DMXL2: variants seen among roughly 807,000 people sequenced by gnomAD.
The protein encoded by DMXL2 is Dmx like 2, also known as dmX-like protein 2.
Under a neutral mutation model 331.1 loss-of-function variants are expected in DMXL2, and 103 were observed. That is an observed-to-expected ratio of 0.31 (90% CI 0.27 to 0.37). The LOEUF (loss-of-function observed/expected upper bound fraction) is 0.37, where lower values mean the gene tolerates loss of function less well. Ranked by LOEUF, DMXL2 falls within the 10% of genes least tolerant of loss-of-function variation. The pLI is 1.00. For missense variants in DMXL2, 3,171 were observed against 3,642.9 expected, an observed-to-expected ratio of 0.87 and a Z score of 3.33; for synonymous variants, 1,281 against 1,252.1, an observed-to-expected ratio of 1.02 and a Z score of -0.49.
intron 19 of DMXL2, 109 bp downstream of exon 19, chr15:51,494,915 T>C (rs1289443597): frequency 1.6e-6 from 1 of 616,360 alleles, no homozygotes; most frequent in East Asian, 3.0e-5. Context: ...AGCCAAGTGA[T>C]AGGTGTGCAC....
chr15:51,475,477 G>C (rs1566999723), intron 27 of DMXL2, among the ~76,000 whole-genome samples: 2 of 151,990 alleles, frequency 1.3e-5, no homozygotes, highest in African/African-American at 4.8e-5. Context: ...CTGGGCGACA[G>C]AGCAAGACTC....
chr15:51,492,539 T>C (rs573649854), intron 19 of DMXL2, among the ~76,000 whole-genome samples: 2 of 152,328 alleles, frequency 1.3e-5, no homozygotes, highest in Admixed American at 1.3e-4. Context: ...ATCTAGGCTG[T>C]TTGAAGAGGC....
chr15:51,605,729 G>A (rs1168051745), intron 1 of DMXL2, among the ~76,000 whole-genome samples: 1 of 98,136 alleles, frequency 1.0e-5, no homozygotes, highest in South Asian at 3.3e-4. Flanking sequence ...ATTTTTAGTA[G>A]AGACGGGGTT....
At chr15:51,552,131 C>A (rs1047409926) in intron 6 of DMXL2, among the ~76,000 whole-genome samples, 1 of 152,140 alleles carries the variant, frequency 6.6e-6, no homozygotes, top group Non-Finnish European at 1.5e-5. Flanking sequence ...ACATCAGTGT[C>A]GTAGGCATTA....
At chr15:51,579,025 A>G (rs1384680909) in intron 1 of DMXL2, among the ~76,000 whole-genome samples, 2 of 152,212 alleles carry the variant, frequency 1.3e-5, no homozygotes, top group Non-Finnish European at 2.9e-5. Context: ...GAATCACTTA[A>G]GCCCGGGAAG....
chr15:51,451,612 G>GTA (rs753308323), intron 42 of DMXL2, 33 bp downstream of exon 42: 2 of 1,542,370 alleles, frequency 1.3e-6, no homozygotes, highest in Non-Finnish European at 1.8e-6. Flanking sequence ...TTCCTTCATG[G>GTA]TATATTTTTA....
intron 3 of DMXL2, chr15:51,567,705 A>G (rs1294533364): frequency 1.3e-5 from 2 of 152,284 alleles, no homozygotes; most frequent in Non-Finnish European, 1.5e-5. Context: ...AGAACTTACG[A>G]GGTGAGCTCT....
At chr15:51,530,889 A>C (rs1207424989) in intron 13 of DMXL2, among the ~76,000 whole-genome samples, 1 of 151,962 alleles carries the variant, frequency 6.6e-6, no homozygotes, top group South Asian at 2.1e-4. Context: ...TGAAGAGGAC[A>C]AAAAAAATGG....
Position 51,458,569 on chromosome 15 carries a change from G to A in DMXL2, c.8135C>T (p.Thr2712Ile), listed in dbSNP as rs1225416496. Reference sequence around the variant, plus strand: ...GTATGACTGACAGGCCAGTAGAGAAGTAACATCAAGTTCTTGAACATCATG... The same window carrying A: ...GTATGACTGACAGGCCAGTAGAGAAATAACATCAAGTTCTTGAACATCATG... ...STHDVQELDV[T>I]SLLACQSYIW... Residue 2712 changes from threonine (T) to isoleucine (I), a missense_variant, in exon 36 of 44, where the codon ACT (threonine) becomes ATT (isoleucine). By Grantham distance (89) the Thr-to-Ile change is moderately conservative. Around this residue, in one of 7 missense-constraint regions of DMXL2, gnomAD observed 766 missense variants for 940.5 expected, o/e 0.81. Transcript: ENST00000560891. 6.2e-7 allele frequency: 1 copy of A among 1,613,934 alleles called. No individual in the cohort carries two copies. Among genetic ancestry groups the A allele is most frequent in the East Asian group, 2.2e-5 (1 of 44,846 alleles).
chr15:51,534,400 A>G (rs2048170301), intron 13 of DMXL2, among the ~76,000 whole-genome samples: 1 of 152,236 alleles, frequency 6.6e-6, no homozygotes, highest in African/African-American at 2.4e-5. Context: ...TACGCAAGAA[A>G]TATTAGATTT....
chr15:51,545,826 A>C, intron 7 of DMXL2, 60 bp from the exon 8 acceptor site: 1 of 1,467,256 alleles, frequency 6.8e-7, no homozygotes, highest in Non-Finnish European at 9.2e-7. Context: ...TAACTAATTA[A>C]TATTTTGGTT....
chr15:51,558,333 T>C (rs1048107002), intron 6 of DMXL2, among the ~76,000 whole-genome samples: 4 of 152,158 alleles, frequency 2.6e-5, no homozygotes, highest in South Asian at 2.1e-4. Context: ...TGAATCCTTA[T>C]CTCAGGGTCT....
intron 13 of DMXL2, among the ~76,000 whole-genome samples, chr15:51,533,852 T>C (rs1003002919): frequency 2.0e-5 from 3 of 152,218 alleles, no homozygotes; most frequent in Non-Finnish European, 4.4e-5. Flanking sequence ...ATCATATTAA[T>C]AACTGACTCA....
In DMXL2 at chr15:51,555,459, A is replaced by C. The variant is rs915250745; in HGVS notation, c.567+7922T>G. 2.0e-5 allele frequency among the ~76,000 whole-genome samples: 3 copies of C among 152,214 alleles called. No homozygotes were observed. In the South Asian group the frequency reaches 6.2e-4, roughly 31 times the overall value. On this transcript the variant is annotated intron_variant, in intron 6 of 43. Coordinates refer to ENST00000560891, the MANE Select transcript of DMXL2 (RefSeq NM_001378457.1). ...CATACAAAAATGGCATTTAAATGGCATCAGAAATCTTAAGACTAGAAGAGC... is the reference window on the plus strand; with the variant it reads ...CATACAAAAATGGCATTTAAATGGCCTCAGAAATCTTAAGACTAGAAGAGC...
At chr15:51,516,399 A>G (rs1337742519) in intron 14 of DMXL2, among the ~76,000 whole-genome samples, 1 of 152,222 alleles carries the variant, frequency 6.6e-6, no homozygotes, top group Non-Finnish European at 1.5e-5. Context: ...TCTGCATTTT[A>G]AAGGACCTCA....
At chr15:51,600,635 T>C (rs754713075) in intron 1 of DMXL2, among the ~76,000 whole-genome samples, 1 of 152,238 alleles carries the variant, frequency 6.6e-6, no homozygotes, top group Non-Finnish European at 1.5e-5. Flanking sequence ...CCATCTCCTC[T>C]GTAGCTCACC....
Position 51,536,481 on chromosome 15 carries a change from T to A in DMXL2, c.1999A>T (p.Thr667Ser). ...AATAGAGCATTATGATGAGAGGATG[T>A]CAATAACAGTGGTAAAACTGAATGA... Reference protein sequence around the residue: ...ACHSVLPLLLTSSHHNALLTP... With the variant: ...ACHSVLPLLLSSSHHNALLTP... Residue 667 changes from threonine (T) to serine (S), a missense_variant, in exon 12 of 44, where the codon ACA (threonine) becomes TCA (serine). By Grantham distance (58) the Thr-to-Ser change is moderately conservative (BLOSUM62 1). Around this residue, in one of 7 missense-constraint regions of DMXL2, gnomAD observed 1,674 missense variants for 1,780.2 expected, o/e 0.94. Transcript: ENST00000560891. The A allele has an allele frequency of 6.2e-7, 1 of 1,613,988 alleles. No individual in the cohort carries two copies. Among genetic ancestry groups the A allele is most frequent in the Non-Finnish European group, 8.5e-7 (1 of 1,179,968 alleles).
At chr15:51,597,083 A>AAT (rs1567168729) in intron 1 of DMXL2, among the ~76,000 whole-genome samples, 2 of 151,792 alleles carry the variant, frequency 1.3e-5, no homozygotes, top group Non-Finnish European at 2.9e-5. Context: ...ATAATAATAA[A>AAT]AAAGCAGACA....
chr15:51,550,454 C>T (rs552857671), intron 6 of DMXL2, among the ~76,000 whole-genome samples: 19 of 152,196 alleles, frequency 1.2e-4, no homozygotes, highest in African/African-American at 4.6e-4. Context: ...ATAATTACAT[C>T]AAGCTAGGTA....
Sources: allele counts gnomAD v4.1 joint callset (sites outside exome capture counted in the v4.1 genomes callset), GRCh38; gene constraint gnomAD v4.1.1; regional missense constraint gnomAD v4.1.1; transcripts MANE v1.5; gene names NCBI Gene and HGNC (gene_info 2026-07-23, HGNC 2026-07-21).